KLF7: variants seen among roughly 807,000 people sequenced by gnomAD.
KLF7 encodes Krueppel-like factor 7.
In KLF7, 2 loss-of-function variants were observed where a neutral mutation model predicts 27.3. That is an observed-to-expected ratio of 0.07 (90% CI 0.03 to 0.23). The LOEUF (loss-of-function observed/expected upper bound fraction) is 0.23. Ranked by LOEUF, KLF7 falls within the 10% of genes least tolerant of loss-of-function variation. The probability of loss-of-function intolerance (pLI) is 1.00; values close to 1 mark genes in which losing one functional copy is unlikely to be tolerated. For synonymous variants in KLF7, 165 were observed against 162.4 expected, an observed-to-expected ratio of 1.02 and a Z score of -0.12; for missense variants, 221 against 394.1, an observed-to-expected ratio of 0.56 and a Z score of 3.72.
chr2:207,118,223 T>A (rs1442461624), intron 2 of KLF7, among the ~76,000 whole-genome samples: 3 of 152,192 alleles, frequency 2.0e-5, no homozygotes, highest in Admixed American at 1.3e-4. Flanking sequence ...CATTTGTCAT[T>A]TTAATGCGTG....
intron 1 of KLF7, chr2:207,149,096 C>A: frequency 7.9e-7 from 1 of 1,266,266 alleles, no homozygotes; most frequent in Non-Finnish European, 1.0e-6. Context: ...CTCTTAGGGA[C>A]TGATAAATCT....
chr2:207,167,042 C>T (rs1278690702), upstream of KLF7: 3 of 1,078,686 alleles, frequency 2.8e-6, no homozygotes, highest in East Asian at 6.7e-5. Flanking sequence ...GCCTGTTGCT[C>T]GACTGTGCGT....
intron 1 of KLF7, among the ~76,000 whole-genome samples, chr2:207,139,314 T>G (rs1160898926): frequency 6.6e-6 from 1 of 152,222 alleles, no homozygotes; most frequent in Non-Finnish European, 1.5e-5. Context: ...TATCTGGTAA[T>G]CTTGTAACCT....
chr2:207,120,018 C>T (rs1471159343), intron 2 of KLF7, among the ~76,000 whole-genome samples: 1 of 152,152 alleles, frequency 6.6e-6, no homozygotes, highest in Non-Finnish European at 1.5e-5. Flanking sequence ...TATATGCTTC[C>T]TTTCACTAAA....
At chr2:207,139,480 T>C (rs532242254) in intron 1 of KLF7, among the ~76,000 whole-genome samples, 2 of 142,314 alleles carry the variant, frequency 1.4e-5, no homozygotes, top group East Asian at 2.0e-4. Context: ...TCTTGGCCAC[T>C]AACAATTAGG....
At chr2:207,173,704 G>A in the KLF7 span, 2 of 152,098 alleles carry the variant, frequency 1.3e-5, no homozygotes, top group African/African-American at 2.4e-5. Context: ...ATAAAAGAGG[G>A]ACCTGGTAGA....
chr2:207,122,915 C>A (rs2077378721), intron 2 of KLF7, among the ~76,000 whole-genome samples: 1 of 148,472 alleles, frequency 6.7e-6, no homozygotes, highest in South Asian at 2.2e-4. Flanking sequence ...ATCCTAGTAG[C>A]CCAGGAAGAG....
chr2:207,146,917 A>C (rs1485153259), intron 1 of KLF7, among the ~76,000 whole-genome samples: 1 of 152,190 alleles, frequency 6.6e-6, no homozygotes, highest in Non-Finnish European at 1.5e-5. Context: ...GCAACCTGCT[A>C]TTCTATGCAA....
intron 2 of KLF7, among the ~76,000 whole-genome samples, chr2:207,095,349 G>A (rs113439037): frequency 0.028 from 4,199 of 152,192 alleles, 141 homozygotes; most frequent in African/African-American, 0.073. Flanking sequence ...CGCCCGGCCT[G>A]TTTTTGTTCT....
chr2:207,171,823 C>G (rs558808510), upstream of KLF7, among the ~76,000 whole-genome samples: 1 of 152,240 alleles, frequency 6.6e-6, no homozygotes, highest in Non-Finnish European at 1.5e-5. Context: ...TTGCATGACC[C>G]ACTTTATTGT....
intron 2 of KLF7, among the ~76,000 whole-genome samples, chr2:207,096,734 A>T (rs2076639943): frequency 6.6e-6 from 1 of 152,206 alleles, no homozygotes; most frequent in Non-Finnish European, 1.5e-5. Context: ...GGCAGGGGCC[A>T]CATTTGACTT....
At position 207,139,400 on chromosome 2, in the gene KLF7, T is replaced by G. The variant is rs562165148; in HGVS notation, c.103-14996A>C. On this transcript the variant is annotated intron_variant, in intron 1 of 3. Coordinates refer to ENST00000309446, the MANE Select transcript of KLF7 (RefSeq NM_003709.4). ...CCTATTTATGGGGAACCTAACTTAGTAAAGAAAACTGAGTTTTTCACTGTT... is the reference window on the plus strand; with the variant it reads ...CCTATTTATGGGGAACCTAACTTAGGAAAGAAAACTGAGTTTTTCACTGTT... 3.3e-5 allele frequency among the ~76,000 whole-genome samples: 5 copies of G among 152,196 alleles called. No homozygotes were observed. In the South Asian group the frequency reaches 1.0e-3, roughly 32 times the overall value.
chr2:207,135,701 CA>C (rs1322004011), intron 1 of KLF7, among the ~76,000 whole-genome samples: 1 of 152,046 alleles, frequency 6.6e-6, no homozygotes, highest in Admixed American at 6.5e-5. Context: ...CCTTCTTCAC[CA>C]AAGGAACATC....
At chr2:207,096,930 G>C (rs1259558797) in intron 2 of KLF7, among the ~76,000 whole-genome samples, 1 of 152,134 alleles carries the variant, frequency 6.6e-6, no homozygotes, top group African/African-American at 2.4e-5. Flanking sequence ...AGCAACAGTG[G>C]TTCTCAAACT....
At chr2:207,157,540 G>A (rs534950918) in intron 1 of KLF7, among the ~76,000 whole-genome samples, 2 of 152,332 alleles carry the variant, frequency 1.3e-5, no homozygotes, top group South Asian at 4.1e-4. Flanking sequence ...CAAATATTGT[G>A]TAGACCCAGT....
chr2:207,084,612 A>AG (rs780685523), intron 3 of KLF7, among the ~76,000 whole-genome samples: 12 of 152,206 alleles, frequency 7.9e-5, no homozygotes, highest in Non-Finnish European at 1.3e-4. Context: ...TCAATACCCC[A>AG]GCAAGGTACT....
chr2:207,108,968 T>G (rs2105929757), intron 2 of KLF7, among the ~76,000 whole-genome samples: 1 of 152,360 alleles, frequency 6.6e-6, no homozygotes, highest in African/African-American at 2.4e-5. Flanking sequence ...ATCCATAGAT[T>G]CCTTTGAATT....
At chr2:207,096,036 A>C (rs1426690415) in intron 2 of KLF7, among the ~76,000 whole-genome samples, 2 of 152,170 alleles carry the variant, frequency 1.3e-5, no homozygotes, top group African/African-American at 2.4e-5. Context: ...CCATCGACTC[A>C]AGCTTAAAAG....
rs2076146502 is a variant in KLF7, at chr2:207,074,632, C to T, written c.*6581G>A. 1 of 152,154 alleles carries T rather than the reference C, an allele frequency of 6.6e-6. No individual in the cohort carries two copies. Among genetic ancestry groups the T allele is most frequent in the Non-Finnish European group, 1.5e-5 (1 of 68,034 alleles). 9.4% of individuals were successfully genotyped at this position (152,154 alleles called of 1,614,324 possible). A position where few individuals can be genotyped will look rare whatever the true frequency, so the allele number is the denominator to read the frequency against. ...CCCTACCCCTCACCTAAATTATTCCCTCTGATCTTTACCCTTCCTCCTTCA... is the reference window on the plus strand; with the variant it reads ...CCCTACCCCTCACCTAAATTATTCCTTCTGATCTTTACCCTTCCTCCTTCA... On this transcript the variant is annotated 3_prime_UTR_variant, in exon 4 of 4. Transcript: ENST00000309446.
Sources: allele counts gnomAD v4.1 joint callset (sites outside exome capture counted in the v4.1 genomes callset), GRCh38; gene constraint gnomAD v4.1.1; transcripts MANE v1.5; gene names NCBI Gene and HGNC (gene_info 2026-07-23, HGNC 2026-07-21).